The following ZNRF1 variants were observed in gnomAD, a reference collection of about 807,000 sequenced individuals.
ZNRF1 encodes zinc and ring finger 1.
Under a neutral mutation model 18.4 loss-of-function variants are expected in ZNRF1, and 3 were observed. The observed-to-expected ratio is 0.16, with a 90% CI of 0.07 to 0.42. The LOEUF is 0.42. Among genes scored for constraint, ZNRF1 ranks in the 10% least tolerant of loss-of-function variants. The pLI, the probability that ZNRF1 is intolerant of heterozygous loss-of-function variation, is 0.99. For synonymous variants in ZNRF1, 157 were observed against 144.2 expected, an observed-to-expected ratio of 1.09 and a Z score of -0.64; for missense variants, 310 against 329.8, an observed-to-expected ratio of 0.94 and a Z score of 0.47.
At chr16:75,055,281 T>C (rs1477319783) in intron 1 of ZNRF1, among the ~76,000 whole-genome samples, 1 of 152,228 alleles carries the variant, frequency 6.6e-6, no homozygotes, top group East Asian at 1.9e-4. Flanking sequence ...TATTTTTATT[T>C]ATTTATTTTT....
intron 1 of ZNRF1, among the ~76,000 whole-genome samples, chr16:75,055,551 A>G (rs1215779785): frequency 6.6e-6 from 1 of 152,168 alleles, no homozygotes; most frequent in African/African-American, 2.4e-5. Flanking sequence ...GCCTGATGAC[A>G]GGCATTGCTC....
At chr16:75,037,295 G>A (rs1302904183) in intron 1 of ZNRF1, among the ~76,000 whole-genome samples, 2 of 152,022 alleles carry the variant, frequency 1.3e-5, no homozygotes, top group Admixed American at 6.6e-5. Context: ...CAAGGCAGCC[G>A]GGAAGTACTC....
chr16:75,048,533 T>C (rs2035545731), intron 1 of ZNRF1, among the ~76,000 whole-genome samples: 2 of 152,326 alleles, frequency 1.3e-5, no homozygotes, highest in Middle Eastern at 3.4e-3. Flanking sequence ...AAGAGAATGC[T>C]CTTAAAATTT....
At position 74,999,759 on chromosome 16, in the gene ZNRF1, G is replaced by A. The variant is rs2034812580; in HGVS notation, c.88G>A (p.Gly30Arg). The A allele has an allele frequency of 2.2e-6, 3 of 1,392,758 alleles. No homozygotes were observed. The highest frequency in any genetic ancestry group is 3.2e-5 in the South Asian group (2 of 63,414). The allele number at this position is 1,392,758 out of a possible 1,614,324, so 86.3% of individuals were successfully genotyped here. ...TDDSAVPPPGGAPHFGHYRTG... is the reference protein window; with the variant it reads ...TDDSAVPPPGRAPHFGHYRTG... ...TGACAGCGCCGTGCCGCCGCCGGGA[G>A]GGGCGCCCCATTTCGGGCACTACCG... The change falls in exon 1 of 5, where the codon GGG (glycine) becomes AGG (arginine). Residue 30 changes from glycine to arginine, a missense_variant. Around this residue, in one of 2 missense-constraint regions of ZNRF1, gnomAD observed 293 missense variants for 291.2 expected, o/e 1.01. Transcript: ENST00000335325.
intron 2 of ZNRF1, among the ~76,000 whole-genome samples, chr16:75,096,094 G>GTGTA (rs2036197288): frequency 6.7e-6 from 1 of 149,824 alleles, no homozygotes; most frequent in Non-Finnish European, 1.5e-5. Flanking sequence ...GTGTGTGTGT[G>GTGTA]TGTGTGTAAA....
chr16:75,030,393 A>G lies in ZNRF1; in HGVS notation c.424+30298A>G, dbSNP rs188320044. Among the ~76,000 whole-genome samples the G allele has an allele frequency of 2.6e-3, 399 of 152,276 alleles. 2 individuals carry two copies. The highest frequency in any genetic ancestry group is 3.2e-3 in the Non-Finnish European group (220 of 68,034). On this transcript the variant is annotated intron_variant, in intron 1 of 4. Coordinates refer to ENST00000335325, the MANE Select transcript of ZNRF1 (RefSeq NM_032268.5). ...TTAATTCCAAATGGATCAAAGACCTAAATATAAGAACTAAAACTTTGATCT... is the reference window on the plus strand; with the variant it reads ...TTAATTCCAAATGGATCAAAGACCTGAATATAAGAACTAAAACTTTGATCT...
intron 1 of ZNRF1, among the ~76,000 whole-genome samples, chr16:75,075,282 T>C (rs1287186929): frequency 2.6e-5 from 4 of 152,254 alleles, no homozygotes; most frequent in Admixed American, 1.3e-4. Flanking sequence ...GCTCCCTTCA[T>C]GCCCACTGCA....
intron 1 of ZNRF1, among the ~76,000 whole-genome samples, chr16:75,062,897 G>A (rs1488727668): frequency 1.3e-5 from 2 of 152,154 alleles, no homozygotes; most frequent in African/African-American, 2.4e-5. Flanking sequence ...CATTTACCAC[G>A]TGGGAGGCCT....
chr16:75,079,449 C>T (rs548262473), intron 1 of ZNRF1, among the ~76,000 whole-genome samples: 10 of 152,268 alleles, frequency 6.6e-5, no homozygotes, highest in African/African-American at 1.7e-4. Flanking sequence ...CACTGCACTC[C>T]AGCCTGGCAA....
chr16:75,005,834 T>C (rs1393882758), intron 1 of ZNRF1, among the ~76,000 whole-genome samples: 1 of 152,206 alleles, frequency 6.6e-6, no homozygotes, highest in Non-Finnish European at 1.5e-5. Context: ...ATGCATTGCT[T>C]AATGACAGGG....
chr16:75,082,904 C>T (rs561790147), intron 1 of ZNRF1, among the ~76,000 whole-genome samples: 3 of 152,268 alleles, frequency 2.0e-5, no homozygotes, highest in East Asian at 3.9e-4. Context: ...TATGATTTTT[C>T]AGATATTCAT....
chr16:75,104,522 C>A, intron 2 of ZNRF1: 1 of 308,594 alleles, frequency 3.2e-6, no homozygotes, highest in Non-Finnish European at 6.1e-6. Flanking sequence ...CTTTTTCGTC[C>A]GCTGTCACCT....
At chr16:75,021,869 A>C (rs893168919) in intron 1 of ZNRF1, among the ~76,000 whole-genome samples, 29 of 152,206 alleles carry the variant, frequency 1.9e-4, no homozygotes, top group African/African-American at 7.0e-4. Flanking sequence ...GCACCTAAGA[A>C]ATTATCATCT....
At chr16:75,010,701 G>GTTTTTTTTTTTTTT (rs1334552920) in intron 1 of ZNRF1, among the ~76,000 whole-genome samples, 34 of 63,780 alleles carry the variant, frequency 5.3e-4, no homozygotes, top group African/African-American at 9.0e-4. Context: ...GTACTGTACT[G>GTTTTTTTTTTTTTT]TTTTTTTTTG....
chr16:75,105,306 G>T (rs1193391656), intron 3 of ZNRF1: 1 of 172,802 alleles, frequency 5.8e-6, no homozygotes. Context: ...TGTACCCACT[G>T]CCTTGCACTG....
chr16:75,093,424 T>C, intron 1 of ZNRF1, 148 bp from the exon 2 acceptor site: 1 of 557,656 alleles, frequency 1.8e-6, no homozygotes, highest in Middle Eastern at 3.1e-4. Flanking sequence ...AAATGAGTCC[T>C]TGAAGGAGGA....
intron 1 of ZNRF1, among the ~76,000 whole-genome samples, chr16:75,015,696 A>G (rs1597858727): frequency 6.6e-6 from 1 of 152,038 alleles, no homozygotes; most frequent in Non-Finnish European, 1.5e-5. Context: ...TAGTCCTCCC[A>G]CCTCAGTCTC....
intron 1 of ZNRF1, among the ~76,000 whole-genome samples, chr16:75,039,309 A>C (rs1057060284): frequency 6.6e-6 from 1 of 152,128 alleles, no homozygotes; most frequent in African/African-American, 2.4e-5. Context: ...GCATATTTAG[A>C]ATACTGTGAA....
In ZNRF1 at chr16:75,108,526, A is replaced by G; in HGVS notation, c.*826A>G. 1 of 398,802 alleles carries G rather than the reference A, an allele frequency of 2.5e-6. No homozygotes were observed. The highest frequency in any genetic ancestry group is 3.6e-5 in the East Asian group (1 of 28,058). 24.7% of individuals were successfully genotyped at this position (398,802 alleles called of 1,614,324 possible). On this transcript the variant is annotated 3_prime_UTR_variant, in exon 5 of 5. Coordinates refer to ENST00000335325, the MANE Select transcript of ZNRF1 (RefSeq NM_032268.5). ...CCCCTGTTTTCAGGCACTATGTTTG[A>G]GAACATTTTAGCCATTGATGTTCAC...
Sources: gnomAD v4.1 joint callset for allele counts (sites outside exome capture counted in the v4.1 genomes callset) on GRCh38, gnomAD v4.1.1 for gene constraint, gnomAD v4.1.1 regional missense constraint, MANE v1.5 for transcripts, NCBI Gene and HGNC (gene_info 2026-07-23, HGNC 2026-07-21) for gene names.